The following FRAS1 variants were observed in gnomAD, a reference collection of about 807,000 sequenced individuals.
FRAS1 encodes the protein Fraser extracellular matrix complex subunit 1, also known as extracellular matrix organizing protein FRAS1.
Under a neutral mutation model 435.2 loss-of-function variants are expected in FRAS1, and 290 were observed. That is an observed-to-expected ratio of 0.67 (90% CI 0.61 to 0.73). FRAS1 has a LOEUF of 0.73. Among genes scored for constraint, FRAS1 ranks in the 30% least tolerant of loss-of-function variants. FRAS1 has a pLI of 0.00. For missense variants in FRAS1, 4,860 were observed against 5,001.5 expected, an observed-to-expected ratio of 0.97 and a Z score of 0.85; for synonymous variants, 1,800 against 1,851.0, an observed-to-expected ratio of 0.97 and a Z score of 0.71.
chr4:78,366,902 G>A (rs1731295883), intron 22 of FRAS1, among the ~76,000 whole-genome samples: 1 of 152,144 alleles, frequency 6.6e-6, no homozygotes, highest in African/African-American at 2.4e-5. Flanking sequence ...TGTCAGACAG[G>A]GTCAGCCATT....
rs759637781 is a variant in FRAS1 at position 78,469,944 on chromosome 4, AATG to A, written c.7258-29_7258-27del. 4.2e-5 allele frequency: 62 copies of A among 1,488,916 alleles called. 1 individual carries two copies. In the African/African-American group the frequency reaches 7.0e-4, roughly 17 times the overall value. 92.2% of individuals were successfully genotyped at this position (1,488,916 alleles called of 1,614,324 possible). A position where few individuals can be genotyped will look rare whatever the true frequency, so the allele number is the denominator to read the frequency against. On this transcript the variant is annotated intron_variant, in intron 50 of 73. Transcript: ENST00000512123. Reference sequence around the variant, plus strand: ...ACCTGACATACTTCAGGTACTTGTGAATGATGAGTTTTCTTTTCTGCCCTCCCC... The same window carrying A: ...ACCTGACATACTTCAGGTACTTGTGAATGAGTTTTCTTTTCTGCCCTCCCC...
intron 17 of FRAS1, 149 bp from the exon 18 acceptor site, chr4:78,318,661 T>G (rs1281923289): frequency 1.4e-6 from 1 of 709,484 alleles, no homozygotes; most frequent in Non-Finnish European, 2.1e-6. Flanking sequence ...AACATTATTA[T>G]CACTCTGTGC....
chr4:78,498,131 A>T (rs964081874), intron 60 of FRAS1, among the ~76,000 whole-genome samples: 1 of 152,142 alleles, frequency 6.6e-6, no homozygotes. Context: ...TAGGAGACAT[A>T]CCTAATGTAG....
intron 47 of FRAS1, among the ~76,000 whole-genome samples, chr4:78,463,769 A>G (rs1719440110): frequency 6.6e-6 from 1 of 152,228 alleles, no homozygotes; most frequent in Non-Finnish European, 1.5e-5. Flanking sequence ...GAAGAGTAAC[A>G]TTGATTGAAC....
At chr4:78,120,599 C>T (rs114965664) in intron 2 of FRAS1, among the ~76,000 whole-genome samples, 1 of 152,142 alleles carries the variant, frequency 6.6e-6, no homozygotes, top group Non-Finnish European at 1.5e-5. Flanking sequence ...GTGTGCAAAA[C>T]CACAGCCCAG....
intron 34 of FRAS1, 56 bp from the exon 35 acceptor site, chr4:78,424,332 A>C (rs1247963689): frequency 1.1e-6 from 1 of 918,132 alleles, no homozygotes. Context: ...TACCTTTCCT[A>C]TCTCTCTCTG....
At chr4:78,087,750 A>C (rs953910054) in intron 2 of FRAS1, among the ~76,000 whole-genome samples, 3 of 152,202 alleles carry the variant, frequency 2.0e-5, no homozygotes, top group Non-Finnish European at 4.4e-5. Flanking sequence ...GGAGAACTAC[A>C]AACCACTGCT....
chr4:78,073,207 G>A (rs1019749258), intron 2 of FRAS1, among the ~76,000 whole-genome samples: 1 of 152,070 alleles, frequency 6.6e-6, no homozygotes, highest in African/African-American at 2.4e-5. Flanking sequence ...TTTCCTATTT[G>A]GGAATTTATA....
intron 47 of FRAS1, among the ~76,000 whole-genome samples, chr4:78,463,248 T>C (rs1250847509): frequency 6.6e-6 from 1 of 152,198 alleles, no homozygotes; most frequent in East Asian, 1.9e-4. Flanking sequence ...GTGGGATAGT[T>C]TACCATTGTT....
intron 61 of FRAS1, among the ~76,000 whole-genome samples, chr4:78,501,795 C>T (rs559086555): frequency 4.6e-5 from 7 of 152,238 alleles, no homozygotes; most frequent in Admixed American, 2.0e-4. Flanking sequence ...AAGTCGTTAC[C>T]CATGCCTATG....
chr4:78,327,418 T>G (rs1445878861), intron 18 of FRAS1, among the ~76,000 whole-genome samples: 2 of 152,244 alleles, frequency 1.3e-5, no homozygotes, highest in Non-Finnish European at 2.9e-5. Context: ...AGGGACACTT[T>G]ATCACTTTTG....
chr4:78,536,967 C>T, intron 71 of FRAS1, 28 bp from the exon 72 acceptor site: 1 of 1,582,472 alleles, frequency 6.3e-7, no homozygotes, highest in Non-Finnish European at 8.7e-7. Flanking sequence ...TAAAGTCTGA[C>T]CTAATTAATA....
chr4:78,392,262 TG>T, intron 29 of FRAS1, among the ~76,000 whole-genome samples: 1 of 152,260 alleles, frequency 6.6e-6, no homozygotes, highest in East Asian at 1.9e-4. Flanking sequence ...TTAATAGCTA[TG>T]ATATAAATGA....
At chr4:78,285,690 C>G (rs994639348) in intron 13 of FRAS1, among the ~76,000 whole-genome samples, 9 of 152,180 alleles carry the variant, frequency 5.9e-5, no homozygotes, top group Admixed American at 5.2e-4. Flanking sequence ...CCTATGCCTC[C>G]CAAAGTGCTG....
intron 36 of FRAS1, 108 bp downstream of exon 36, chr4:78,429,334 A>C (rs1169846033): frequency 1.7e-5 from 24 of 1,374,892 alleles, no homozygotes; most frequent in Non-Finnish European, 2.9e-6. Context: ...TTCTTCCAGA[A>C]GTTGCCTGCA....
At position 78,372,830 on chromosome 4, in the gene FRAS1, A is replaced by G; in HGVS notation, c.2982A>G (p.Ser994=). The G allele has an allele frequency of 1.2e-6, 2 of 1,612,736 alleles. No homozygotes were observed. The highest frequency in any genetic ancestry group is 1.7e-6 in the Non-Finnish European group (2 of 1,179,634). Residue 994 remains serine, a synonymous_variant, in exon 24 of 74, where the codon TCA becomes TCG. Coordinates refer to ENST00000512123, the MANE Select transcript of FRAS1 (RefSeq NM_025074.7). ...DGACVEQCLS[S]FYQDSGLCKN... is the part of the protein sequence containing the mutation. ...CCTGCGTGGAGCAGTGCTTGTCATC[A>G]TTTTACCAGGACTCGGGCCTCTGCA... is the stretch of plus-strand genomic sequence containing the variant.
chr4:78,225,217 T>A (rs1040155004), intron 2 of FRAS1, among the ~76,000 whole-genome samples: 4 of 152,176 alleles, frequency 2.6e-5, no homozygotes, highest in African/African-American at 9.7e-5. Context: ...GGATTGATTT[T>A]GTTATTTTTG....
chr4:78,120,503 A>C (rs1052482977), intron 2 of FRAS1, among the ~76,000 whole-genome samples: 1 of 152,180 alleles, frequency 6.6e-6, no homozygotes, highest in Admixed American at 6.5e-5. Context: ...AGGAATAAGA[A>C]GTTGTAAGGA....
At chr4:78,122,058 A>G (rs776465203) in intron 2 of FRAS1, among the ~76,000 whole-genome samples, 2 of 152,302 alleles carry the variant, frequency 1.3e-5, no homozygotes, top group East Asian at 1.9e-4. Context: ...TACACGTGCC[A>G]TGGTGGTTTG....
Sources: gnomAD v4.1 joint callset for allele counts (sites outside exome capture counted in the v4.1 genomes callset) on GRCh38, gnomAD v4.1.1 for gene constraint, MANE v1.5 for transcripts, NCBI Gene and HGNC (gene_info 2026-07-23, HGNC 2026-07-21) for gene names.